Variants in ELAVL2 observed in about 807,000 individuals in gnomAD.
ELAVL2 encodes the protein ELAV-like protein 2.
A neutral mutation model predicts 34.6 loss-of-function variants in ELAVL2; 4 were observed. The ratio of observed to expected loss-of-function variants is 0.12; its 90% CI spans 0.06 to 0.26. The LOEUF is 0.26. Ranked by LOEUF, ELAVL2 falls within the 10% of genes least tolerant of loss-of-function variation. The pLI is 1.00. For synonymous variants in ELAVL2, 193 were observed against 154.8 expected (o/e 1.25, Z -1.83); for missense variants, 432 against 442.8 (o/e 0.98, Z 0.22).
intron 2 of ELAVL2, among the ~76,000 whole-genome samples, chr9:23,755,113 T>C (rs1374872606): frequency 5.3e-5 from 8 of 152,140 alleles, no homozygotes; most frequent in African/African-American, 1.9e-4. Flanking sequence ...CCACTTTAGT[T>C]TTATAATACT....
chr9:23,710,741 G>A (rs1007754239), intron 3 of ELAVL2, among the ~76,000 whole-genome samples: 26 of 152,198 alleles, frequency 1.7e-4, no homozygotes, highest in African/African-American at 6.0e-4. Flanking sequence ...ATTTTTTAAA[G>A]ATGGAGTCTT....
At chr9:23,767,064 G>C (rs12235274) in intron 1 of ELAVL2, among the ~76,000 whole-genome samples, 13,321 of 152,224 alleles carry the variant, frequency 0.088, 653 homozygotes, top group Middle Eastern at 0.19. Context: ...AGGCACTTTA[G>C]CATAGATGAA....
At chr9:23,731,149 G>T (rs771147862) in intron 2 of ELAVL2, 24 bp from the exon 3 acceptor site, 2 of 1,602,270 alleles carry the variant, frequency 1.2e-6, no homozygotes, top group Non-Finnish European at 1.7e-6. Context: ...AGGGGAAAAA[G>T]GCATATATTA....
chr9:23,778,912 C>T (rs2058647360), intron 1 of ELAVL2, among the ~76,000 whole-genome samples: 2 of 152,146 alleles, frequency 1.3e-5, no homozygotes, highest in Admixed American at 6.5e-5. Flanking sequence ...ATTAGAAAGT[C>T]ATCCTGTCCA....
intron 2 of ELAVL2, among the ~76,000 whole-genome samples, chr9:23,748,707 G>C (rs975218269): frequency 2.0e-5 from 3 of 152,132 alleles, no homozygotes; most frequent in African/African-American, 7.2e-5. Context: ...TACGGGGAAT[G>C]TGGCATGAAC....
chr9:23,714,653 G>C (rs140167609), intron 3 of ELAVL2, among the ~76,000 whole-genome samples: 1 of 152,226 alleles, frequency 6.6e-6, no homozygotes, highest in Non-Finnish European at 1.5e-5. Context: ...TAAAATGAGC[G>C]ATTCTTTTGG....
intron 4 of ELAVL2, among the ~76,000 whole-genome samples, chr9:23,702,973 A>AAAC (rs1554663976): frequency 2.1e-4 from 30 of 145,410 alleles, no homozygotes; most frequent in Admixed American, 1.9e-3. Context: ...AAAAAAAAAA[A>AAAC]AAAAAAAACA....
chr9:23,769,514 A>C (rs562695128), intron 1 of ELAVL2, among the ~76,000 whole-genome samples: 1 of 152,226 alleles, frequency 6.6e-6, no homozygotes, highest in Admixed American at 6.5e-5. Context: ...AGTTACAGGA[A>C]CAAGCCATTA....
chr9:23,704,128 C>G (rs2038468677), intron 4 of ELAVL2, among the ~76,000 whole-genome samples: 1 of 112,508 alleles, frequency 8.9e-6, no homozygotes, highest in Non-Finnish European at 2.0e-5. Context: ...GATGGGGCTT[C>G]TCTATGTTGG....
chr9:23,807,031 C>T (rs1019539757), intron 1 of ELAVL2, among the ~76,000 whole-genome samples: 2 of 151,850 alleles, frequency 1.3e-5, no homozygotes, highest in Non-Finnish European at 2.9e-5. Flanking sequence ...TATCCACCTA[C>T]AAAAAAATGC....
Position 23,787,610 on chromosome 9 carries a change from C to A in ELAVL2, c.-15-25361G>T, listed in dbSNP as rs548318119. Among the ~76,000 whole-genome samples, 229 of 151,996 alleles carry A rather than the reference C, an allele frequency of 1.5e-3. 1 individual carries two copies. Among genetic ancestry groups the A allele is most frequent in the Non-Finnish European group, 2.4e-3 (161 of 67,972 alleles). On this transcript the variant is annotated intron_variant, in intron 1 of 6. Coordinates refer to ENST00000397312, the MANE Select transcript of ELAVL2 (RefSeq NM_004432.5). ...TTAACTTTTCCAGAACTCACAAAAC[C>A]TGCCAATGTGGGTCTAACAAACTCC... is the stretch of plus-strand genomic sequence containing the variant.
the ELAVL2 span, among the ~76,000 whole-genome samples, chr9:23,844,578 T>C: frequency 6.6e-6 from 1 of 152,058 alleles, no homozygotes; most frequent in East Asian, 1.9e-4. Context: ...GTTAAATATT[T>C]ATAATGTTAA....
At chr9:23,840,273 C>T in the ELAVL2 span, among the ~76,000 whole-genome samples, 1 of 152,192 alleles carries the variant, frequency 6.6e-6, no homozygotes, top group Non-Finnish European at 1.5e-5. Flanking sequence ...AAGGAAAGCC[C>T]AGTGATTCTC....
intron 1 of ELAVL2, among the ~76,000 whole-genome samples, chr9:23,779,641 CA>C (rs2058764027): frequency 6.6e-6 from 1 of 151,972 alleles, no homozygotes; most frequent in Non-Finnish European, 1.5e-5. Context: ...ATCAACTCAC[CA>C]TTCTTTGCTA....
intron 3 of ELAVL2, among the ~76,000 whole-genome samples, chr9:23,723,074 A>G (rs1365017511): frequency 6.6e-6 from 1 of 152,118 alleles, no homozygotes; most frequent in African/African-American, 2.4e-5. Context: ...GGTAGAAAAG[A>G]TTTTTGTTTT....
At chr9:23,695,426 AC>A (rs1214038397) in intron 5 of ELAVL2, among the ~76,000 whole-genome samples, 1 of 146 alleles carries the variant, frequency 6.8e-3, no homozygotes, top group Non-Finnish European at 0.011. Context: ...CACCAAGCAT[AC>A]GGCCCAGAGA....
At chr9:23,745,769 T>C (rs1341451547) in intron 2 of ELAVL2, among the ~76,000 whole-genome samples, 1 of 152,190 alleles carries the variant, frequency 6.6e-6, no homozygotes, top group Non-Finnish European at 1.5e-5. Context: ...GAGATAAATG[T>C]AGGTCATTCA....
chr9:23,782,304 G>A (rs528733019), intron 1 of ELAVL2, among the ~76,000 whole-genome samples: 2 of 152,102 alleles, frequency 1.3e-5, no homozygotes, highest in African/African-American at 2.4e-5. Context: ...AGTGCTTAAC[G>A]CAGAGTCTTA....
intron 2 of ELAVL2, among the ~76,000 whole-genome samples, chr9:23,760,225 C>T (rs974725089): frequency 2.0e-5 from 3 of 151,806 alleles, no homozygotes; most frequent in Non-Finnish European, 4.4e-5. Context: ...GTGGCAGATG[C>T]CTAATATGAA....
Sources: allele counts gnomAD v4.1 joint callset (sites outside exome capture counted in the v4.1 genomes callset), GRCh38; gene constraint gnomAD v4.1.1; transcripts MANE v1.5; gene names NCBI Gene and HGNC (gene_info 2026-07-23, HGNC 2026-07-21).